Variants in RNASET2 observed in about 807,000 individuals in gnomAD.
The protein encoded by RNASET2 is ribonuclease T2.
A neutral mutation model predicts 33.9 loss-of-function variants in RNASET2; 28 were observed. That is an observed-to-expected ratio of 0.83 (90% confidence interval 0.61 to 1.13). The LOEUF (loss-of-function observed/expected upper bound fraction) is 1.13, where lower values mean the gene tolerates loss of function less well. RNASET2 is among the 50% of genes most tolerant of loss of function. The pLI, the probability that RNASET2 is intolerant of heterozygous loss-of-function variation, is 0.00. For synonymous variants in RNASET2, 123 were observed against 121.0 expected (o/e 1.02, Z -0.11); for missense variants, 330 against 319.9 (o/e 1.03, Z -0.24).
At chr6:166,956,003 C>T in intron 1 of RNASET2, 94 bp downstream of exon 1, 5 of 1,312,166 alleles carry the variant, frequency 3.8e-6, no homozygotes, top group Non-Finnish European at 5.4e-6. Flanking sequence ...CGGGGCTCAG[C>T]GACCGCCGAC....
intron 2 of RNASET2, among the ~76,000 whole-genome samples, chr6:166,949,518 AAAAAAAAG>A: frequency 6.6e-6 from 1 of 151,436 alleles, no homozygotes; most frequent in East Asian, 1.9e-4. Flanking sequence ...AAAAAAAAAA[AAAAAAAAG>A]AAAGAAATGA....
rs187451516 is a variant in RNASET2, at chr6:166,941,778, T to C, written c.332+1241A>G. Among the ~76,000 whole-genome samples the C allele has an allele frequency of 1.9e-3, 294 of 152,354 alleles. 1 individual carries two copies. The highest frequency in any genetic ancestry group is 5.9e-3 in the African/African-American group (246 of 41,584). ...ATCTTCCCACCTAAAATTTGATGGG[T>C]TGTAATCTGAATTATAAATTGCAAT... On this transcript the variant is annotated intron_variant, in intron 5 of 8. Coordinates refer to ENST00000508775, the MANE Select transcript of RNASET2 (RefSeq NM_003730.6).
At chr6:166,948,371 G>T in intron 3 of RNASET2, 199 bp downstream of exon 3, 15 of 623,542 alleles carry the variant, frequency 2.4e-5, no homozygotes, top group Non-Finnish European at 2.6e-5. Context: ...AAGTGTTATT[G>T]TTCTATGAAG....
In RNASET2 at chr6:166,952,335, G is replaced by A. The variant is rs1346523047; in HGVS notation, c.147+153C>T. On this transcript the variant is annotated intron_variant, in intron 2 of 8. Coordinates refer to ENST00000508775, the MANE Select transcript of RNASET2 (RefSeq NM_003730.6). ...TGGGAAGCTCACACACAGCCCTCCTGGAGGCAGTCTCTGCAGGAGACACCG... is the reference window on the plus strand; with the variant it reads ...TGGGAAGCTCACACACAGCCCTCCTAGAGGCAGTCTCTGCAGGAGACACCG... Among the ~76,000 whole-genome samples, 2 of 152,226 alleles carry A rather than the reference G, an allele frequency of 1.3e-5. 1 individual carries two copies. The highest frequency in any genetic ancestry group is 6.3e-3 in the Middle Eastern group (2 of 316).
chr6:166,926,157 G>C lies in RNASET2; in HGVS notation c.*3431C>G, dbSNP rs778628299. ...AATTTAGGCAAAATTTTTTTAAAAA[G>C]TTTCCAGTTCACTTTGAGGTTTCTA... On this transcript the variant is annotated 3_prime_UTR_variant, in exon 9 of 9. Coordinates refer to ENST00000508775, the MANE Select transcript of RNASET2 (RefSeq NM_003730.6). Among the ~76,000 whole-genome samples the C allele has an allele frequency of 1.3e-5, 2 of 152,118 alleles. No individual in the cohort carries two copies. Among genetic ancestry groups the C allele is most frequent in the Admixed American group, 6.5e-5 (1 of 15,270 alleles).
In RNASET2 at chr6:166,933,977, A is replaced by AG. The variant is rs1043461574; in HGVS notation, c.492+113dup. 6.1e-5 allele frequency: 49 copies of AG among 797,366 alleles called. No homozygotes were observed. The Admixed American group carries it at 7.1e-4, about 12-fold the overall frequency. 49.4% of individuals were successfully genotyped at this position (797,366 alleles called of 1,614,324 possible). On this transcript the variant is annotated intron_variant, in intron 7 of 8. Coordinates refer to ENST00000508775, the MANE Select transcript of RNASET2 (RefSeq NM_003730.6). The surrounding 1 kb of genome is among the most constrained non-coding windows in gnomAD (Gnocchi z 4.1). ...TCTGTTCACATGATAACATTTAAGTAGGAAGGGGGTTTGCACTGGGGCAAT... is the reference window on the plus strand; with the variant it reads ...TCTGTTCACATGATAACATTTAAGTAGGGAAGGGGGTTTGCACTGGGGCAAT...
chr6:166,941,872 T>C (rs1778700073), intron 5 of RNASET2, among the ~76,000 whole-genome samples: 1 of 152,224 alleles, frequency 6.6e-6, no homozygotes, highest in Admixed American at 6.5e-5. Flanking sequence ...TTTAACTTTA[T>C]GTTCTTAAAA....
intron 1 of RNASET2, 113 bp downstream of exon 1, chr6:166,955,984 G>C: frequency 4.4e-6 from 5 of 1,138,136 alleles, no homozygotes; most frequent in East Asian, 2.7e-5. Context: ...GCCCTCCCCA[G>C]TCGCTGCCCG....
intron 1 of RNASET2, among the ~76,000 whole-genome samples, chr6:166,955,319 A>ACGCACACG (rs1250465359): frequency 1.5e-5 from 1 of 64,552 alleles, no homozygotes; most frequent in Non-Finnish European, 2.8e-5. Flanking sequence ...ACACACACGC[A>ACGCACACG]CACACACGCA....
Position 166,956,192 on chromosome 6 carries a change from C to T in RNASET2, c.-10G>A. On this transcript the variant is annotated 5_prime_UTR_variant, in exon 1 of 9. Coordinates refer to ENST00000508775, the MANE Select transcript of RNASET2 (RefSeq NM_003730.6). ...GGGCTGCAGGGCGCATGGTGCCGAC[C>T]TGCGGAGAGAACGCTGCCAGCTGCC... 1 of 1,548,344 alleles carries T rather than the reference C, an allele frequency of 6.5e-7. No homozygotes were observed. Among genetic ancestry groups the T allele is most frequent in the Non-Finnish European group, 8.7e-7 (1 of 1,145,964 alleles).
intron 1 of RNASET2, among the ~76,000 whole-genome samples, chr6:166,954,308 A>T (rs999249018): frequency 6.6e-6 from 1 of 152,236 alleles, no homozygotes; most frequent in Non-Finnish European, 1.5e-5. Flanking sequence ...TTGTCCGATC[A>T]TATCAGTTGC....
intron 2 of RNASET2, among the ~76,000 whole-genome samples, chr6:166,949,779 C>A (rs2128646983): frequency 6.6e-6 from 1 of 152,300 alleles, no homozygotes; most frequent in South Asian, 2.1e-4. Context: ...CCACACGGGG[C>A]TCTGAGGGCT....
At chr6:166,937,897 T>C (rs773004426) in intron 6 of RNASET2, among the ~76,000 whole-genome samples, 23 of 152,188 alleles carry the variant, frequency 1.5e-4, no homozygotes, top group Non-Finnish European at 2.1e-4. Context: ...GCCTGAGCTC[T>C]ATCCCACCCA....
chr6:166,934,591 A>G (rs374322465), intron 6 of RNASET2: 128 of 214,290 alleles, frequency 6.0e-4, no homozygotes, highest in Middle Eastern at 1.9e-3. Flanking sequence ...GCGGTCCCAT[A>G]TGACCACATT....
intron 2 of RNASET2, among the ~76,000 whole-genome samples, chr6:166,951,978 T>C (rs1778995492): frequency 6.6e-6 from 1 of 152,146 alleles, no homozygotes; most frequent in South Asian, 2.1e-4. Flanking sequence ...ACAGGGTCTT[T>C]GCAGATGTCA....
chr6:166,929,256 C>T lies in RNASET2; in HGVS notation c.*332G>A, dbSNP rs1376682536. Among the ~76,000 whole-genome samples, 5 of 152,196 alleles carry T rather than the reference C, an allele frequency of 3.3e-5. No homozygotes were observed. The highest frequency in any genetic ancestry group is 2.6e-4 in the Admixed American group (4 of 15,290). On this transcript the variant is annotated 3_prime_UTR_variant, in exon 9 of 9. Coordinates refer to ENST00000508775, the MANE Select transcript of RNASET2 (RefSeq NM_003730.6). Reference sequence around the variant, plus strand: ...GGCAACAGGCTCCGAGGGGAAAACTCGAGCAAGAGAGTCCCCTGAATCGGT... The same window carrying T: ...GGCAACAGGCTCCGAGGGGAAAACTTGAGCAAGAGAGTCCCCTGAATCGGT...
At chr6:166,942,166 C>A (rs1778708371) in intron 5 of RNASET2, among the ~76,000 whole-genome samples, 1 of 148,634 alleles carries the variant, frequency 6.7e-6, no homozygotes, top group Non-Finnish European at 1.5e-5. Flanking sequence ...GATTCTCCTG[C>A]CTCAGCCTCC....
intron 6 of RNASET2, among the ~76,000 whole-genome samples, chr6:166,936,350 CGTGTGTGT>C (rs56962763): frequency 8.0e-5 from 12 of 149,488 alleles, no homozygotes; most frequent in African/African-American, 2.2e-4. Flanking sequence ...TTGCATGTGT[CGTGTGTGT>C]GTGTGTGTGT....
At position 166,926,732 on chromosome 6, in the gene RNASET2, G is replaced by A. The variant is rs1056720228; in HGVS notation, c.*2856C>T. Among the ~76,000 whole-genome samples, 3 of 152,098 alleles carry A rather than the reference G, an allele frequency of 2.0e-5. No homozygotes were observed. The highest frequency in any genetic ancestry group is 4.4e-5 in the Non-Finnish European group (3 of 68,026). On this transcript the variant is annotated 3_prime_UTR_variant, in exon 9 of 9. Transcript: ENST00000508775. ...TACAGCAATAGCCCTGCTGAGAAGG[G>A]GCTGGTCTGAAGGAGTTTCATGGGA...
Sources: allele counts gnomAD v4.1 joint callset (sites outside exome capture counted in the v4.1 genomes callset), GRCh38; gene constraint gnomAD v4.1.1; non-coding constraint Gnocchi (gnomAD v3.1); transcripts MANE v1.5; gene names NCBI Gene and HGNC (gene_info 2026-07-23, HGNC 2026-07-21).